The following TTC21B variants were observed in gnomAD, a reference collection of about 807,000 sequenced individuals.
The protein encoded by TTC21B is tetratricopeptide repeat domain 21B.
In TTC21B, 127 loss-of-function variants were observed where a neutral mutation model predicts 175.1. The ratio of observed to expected loss-of-function variants is 0.73; its 90% CI spans 0.63 to 0.84. TTC21B has a LOEUF of 0.84. Ranked by LOEUF, TTC21B falls within the 40% of genes least tolerant of loss-of-function variation. The pLI is 0.00. For missense variants in TTC21B, 1,561 were observed against 1,558.3 expected (o/e 1.00, Z -0.03); for synonymous variants, 524 against 524.5 (o/e 1.00, Z 0.01).
chr2:165,914,684 T>TGTGTGTGTGTACGTGCGCGCGCGCGCGC, intron 15 of TTC21B, among the ~76,000 whole-genome samples: 1 of 151,090 alleles, frequency 6.6e-6, no homozygotes, highest in South Asian at 2.1e-4. Flanking sequence ...TGTGTGTGTG[T>TGTGTGTGTGTACGTGCGCGCGCGCGCGC]GTGTGTGTGT....
intron 18 of TTC21B, among the ~76,000 whole-genome samples, chr2:165,910,292 A>T (rs550176665): frequency 4.5e-4 from 68 of 152,216 alleles, no homozygotes; most frequent in Non-Finnish European, 8.4e-4. Context: ...AGTCCCAGCT[A>T]CTAGGGAGGC....
chr2:165,884,272 A>G (rs373018397), intron 25 of TTC21B, among the ~76,000 whole-genome samples: 1 of 152,224 alleles, frequency 6.6e-6, no homozygotes, highest in South Asian at 2.1e-4. Context: ...TATGCACACA[A>G]TTCCAAGAAT....
intron 27 of TTC21B, among the ~76,000 whole-genome samples, chr2:165,878,679 GA>G (rs1282670714): frequency 7.0e-6 from 1 of 142,828 alleles, no homozygotes. Context: ...GCATGAGCAC[GA>G]TTTTTTTTTT....
intron 27 of TTC21B, among the ~76,000 whole-genome samples, chr2:165,878,826 C>T (rs544288004): frequency 2.2e-4 from 34 of 151,892 alleles, no homozygotes; most frequent in African/African-American, 7.7e-4. Flanking sequence ...GGATTACAGG[C>T]GCCCGCCACC....
In TTC21B at chr2:165,949,706, A is replaced by C. The variant is rs780354129; in HGVS notation, c.40T>G (p.Cys14Gly). 1.2e-6 allele frequency: 2 copies of C among 1,611,600 alleles called. No individual in the cohort carries two copies. Among genetic ancestry groups the C allele is most frequent in the Non-Finnish European group, 8.5e-7 (1 of 1,178,272 alleles). ...QELKTLINYY[C>G]QERYFHHVLL... Reference sequence around the variant, plus strand: ...ACATGATGGAAATATCTCTCTTGACAATAGTAATTAATCAAAGTCTAAATG... The same window carrying C: ...ACATGATGGAAATATCTCTCTTGACCATAGTAATTAATCAAAGTCTAAATG... The change falls in exon 2 of 29, where the codon TGT becomes GGT. Residue 14 changes from cysteine (C) to glycine (G), a missense_variant. By Grantham distance (159) the Cys-to-Gly change is radical (BLOSUM62 -3). Transcript: ENST00000243344.
intron 10 of TTC21B, 95 bp from the exon 11 acceptor site, chr2:165,929,430 T>C (rs934208493): frequency 1.4e-5 from 15 of 1,059,692 alleles, no homozygotes; most frequent in East Asian, 2.6e-5. Flanking sequence ...GCTACTGATA[T>C]GCAATTATTT....
intron 11 of TTC21B, chr2:165,928,785 A>G (rs1159894134): frequency 4.2e-6 from 1 of 236,870 alleles, no homozygotes; most frequent in Non-Finnish European, 8.4e-6. Context: ...TTATATGACA[A>G]GAACTTCATT....
chr2:165,898,957 A>G (rs1215741984), intron 21 of TTC21B, among the ~76,000 whole-genome samples, 190 bp from the exon 22 acceptor site: 2 of 152,222 alleles, frequency 1.3e-5, no homozygotes, highest in African/African-American at 2.4e-5. Context: ...GTAACAGAAG[A>G]TAATCAAGGA....
intron 15 of TTC21B, among the ~76,000 whole-genome samples, chr2:165,914,674 T>TGA (rs1553511298): frequency 8.5e-6 from 1 of 118,306 alleles, no homozygotes; most frequent in South Asian, 2.7e-4. Flanking sequence ...TGTGTGTGTG[T>TGA]GTGTGTGTGT....
In TTC21B at chr2:165,911,472, A is replaced by C; in HGVS notation, c.2323-7T>G. The C allele has an allele frequency of 6.2e-7, 1 of 1,613,692 alleles. No homozygotes were observed. The highest frequency in any genetic ancestry group is 1.1e-5 in the South Asian group (1 of 91,078). ...CTTCATAGTAAGTGATTGCCTAAAC[A>C]AAATTCATTCCATTTAAGGGAACAA... On this transcript the variant is annotated splice_region_variant and splice_polypyrimidine_tract_variant and intron_variant, in intron 17 of 28. Transcript: ENST00000243344.
rs1423417675 is a variant in TTC21B at position 165,937,773 on chromosome 2, A to ACACAC, written c.710+3249_710+3253dup. On this transcript the variant is annotated intron_variant, in intron 6 of 28. Coordinates refer to ENST00000243344, the MANE Select transcript of TTC21B (RefSeq NM_024753.5). Reference sequence around the variant, plus strand: ...CATATTTTTAAAATATATAGAAACCACACACACACACACACACACACACAC... The same window carrying ACACAC: ...CATATTTTTAAAATATATAGAAACCACACACCACACACACACACACACACACACAC... Among the ~76,000 whole-genome samples the ACACAC allele has an allele frequency of 8.1e-3, 83 of 10,190 alleles. 2 individuals are homozygous for ACACAC. Among genetic ancestry groups the ACACAC allele is most frequent in the African/African-American group, 0.015 (82 of 5,634 alleles). 6.7% of individuals were successfully genotyped at this position (10,190 alleles called of 152,430 possible). A position where few individuals can be genotyped will look rare whatever the true frequency, so the allele number is the denominator to read the frequency against.
At chr2:165,938,710 A>G (rs960490548) in intron 6 of TTC21B, among the ~76,000 whole-genome samples, 2 of 151,970 alleles carry the variant, frequency 1.3e-5, no homozygotes, top group Non-Finnish European at 2.9e-5. Flanking sequence ...AGGGAAACAG[A>G]AAAGGCAGGA....
chr2:165,950,333 ATAC>A (rs1574149406), intron 1 of TTC21B, among the ~76,000 whole-genome samples: 1 of 152,220 alleles, frequency 6.6e-6, no homozygotes, highest in East Asian at 1.9e-4. Context: ...TTATTTCCAT[ATAC>A]AAGACAAAAC....
At chr2:165,876,125 C>T in intron 28 of TTC21B, 40 bp downstream of exon 28, 1 of 1,187,226 alleles carries the variant, frequency 8.4e-7, no homozygotes, top group East Asian at 2.3e-5. Flanking sequence ...GGAAATTGTG[C>T]ATCTGAAAAA....
intron 12 of TTC21B, among the ~76,000 whole-genome samples, chr2:165,920,565 T>C (rs16851293): frequency 0.028 from 4,268 of 152,108 alleles, 224 homozygotes; most frequent in African/African-American, 0.098. Context: ...GAAAATTCTT[T>C]TAGCAAGGAG....
intron 11 of TTC21B, among the ~76,000 whole-genome samples, chr2:165,927,267 TAGTTATATATATATATATCCTAG>T: frequency 2.8e-5 from 2 of 71,114 alleles, no homozygotes; most frequent in Non-Finnish European, 5.5e-5. Flanking sequence ...TATATCCTAG[TAGTTATATATATATATATCCTAG>T]TAGTTATATA....
chr2:165,907,695 T>C lies in TTC21B; in HGVS notation c.2551A>G (p.Ile851Val), dbSNP rs1288721787. Residue 851 changes from isoleucine to valine, a missense_variant, in exon 19 of 29, where the codon ATC (isoleucine) becomes GTC (valine). Coordinates refer to ENST00000243344, the MANE Select transcript of TTC21B (RefSeq NM_024753.5). ...YSKMEKLGDA[I>V]TALQQARELQ... ...GTGTTTACCTGTTGTAATGCAGTGA[T>C]CGCATCACCAAGTTTTTCCATTTTA... is the stretch of plus-strand genomic sequence containing the variant. 6.2e-7 allele frequency: 1 copy of C among 1,611,328 alleles called. No individual in the cohort carries two copies. Among genetic ancestry groups the C allele is most frequent in the East Asian group, 2.2e-5 (1 of 44,774 alleles).
rs1002704682 is a variant in TTC21B, at chr2:165,898,690, C to T, written c.2946G>A (p.Lys982=). 6 of 1,607,266 alleles carry T rather than the reference C, an allele frequency of 3.7e-6. No individual in the cohort carries two copies. Among genetic ancestry groups the T allele is most frequent in the Non-Finnish European group, 5.1e-6 (6 of 1,173,934 alleles). ...ATACAATAAGTAGGTATTTACCTGG[C>T]TTACGTTCTAAAAGCTGCTGTAAAT... The part of the protein sequence containing the change: ...VFHLQQLLER[K]PDNYMTLSRL... The change falls in exon 22 of 29, where the codon AAG becomes AAA. Residue 982 remains lysine, a synonymous_variant. Coordinates refer to ENST00000243344, the MANE Select transcript of TTC21B (RefSeq NM_024753.5).
Position 165,880,798 on chromosome 2 carries a change from G to A in TTC21B, c.3686C>T (p.Ser1229Phe). The change falls in exon 27 of 29, where the codon TCT becomes TTT. Residue 1229 changes from serine (S) to phenylalanine (F), a missense_variant and splice_region_variant. By Grantham distance (155) the Ser-to-Phe change is radical. Transcript: ENST00000243344. ...CATATATTCATAAGCTTTGCAGCAAGACTGAAGAAAAATGGGAGACATCAA... is the reference window on the plus strand; with the variant it reads ...CATATATTCATAAGCTTTGCAGCAAAACTGAAGAAAAATGGGAGACATCAA... ...LLKRCLRHNR[S>F]CCKAYEYMGY... The A allele has an allele frequency of 6.2e-7, 1 of 1,612,000 alleles. No individual in the cohort carries two copies. The highest frequency in any genetic ancestry group is 8.5e-7 in the Non-Finnish European group (1 of 1,179,336).
Sources: gnomAD v4.1 joint callset for allele counts (sites outside exome capture counted in the v4.1 genomes callset) on GRCh38, gnomAD v4.1.1 for gene constraint, MANE v1.5 for transcripts, NCBI Gene and HGNC (gene_info 2026-07-23, HGNC 2026-07-21) for gene names.